Variants in PLCG2 observed in about 807,000 individuals in gnomAD.
The protein encoded by PLCG2 is 1-phosphatidylinositol 4,5-bisphosphate phosphodiesterase gamma-2.
Under a neutral mutation model 175.6 loss-of-function variants are expected in PLCG2, and 69 were observed. The ratio of observed to expected loss-of-function variants is 0.39; its 90% CI spans 0.32 to 0.48. The LOEUF is 0.48. Among genes scored for constraint, PLCG2 ranks in the 20% least tolerant of loss-of-function variants. PLCG2 has a pLI of 0.91. For missense variants in PLCG2, 1,798 were observed against 1,650.9 expected (o/e 1.09, Z -1.54); for synonymous variants, 827 against 624.0 (o/e 1.33, Z -4.85).
At position 81,907,812 on chromosome 16, in the gene PLCG2, C is replaced by G. The variant is rs367930737; in HGVS notation, c.1557+38C>G. ...CCTAGCCACATAGGGAGGAGGTCCC[C>G]AGGAACCCCGAGGACCAGCCAGTCC... On this transcript the variant is annotated intron_variant, in intron 16 of 32. Transcript: ENST00000564138. 5.2e-5 allele frequency: 78 copies of G among 1,511,404 alleles called. No homozygotes were observed. The East Asian group carries it at 1.4e-3, about 28-fold the overall frequency. 93.6% of individuals were successfully genotyped at this position (1,511,404 alleles called of 1,614,324 possible).
intron 13 of PLCG2, chr16:81,898,154 C>T (rs769048836): frequency 3.3e-5 from 7 of 212,100 alleles, no homozygotes; most frequent in South Asian, 1.2e-4. Context: ...AGTCATTCAT[C>T]GAACATTATC....
At chr16:81,932,836 G>A (rs1263578116) in intron 25 of PLCG2, among the ~76,000 whole-genome samples, 2 of 152,220 alleles carry the variant, frequency 1.3e-5, no homozygotes, top group Admixed American at 6.5e-5. Flanking sequence ...CACACCACCA[G>A]CCATGGGGGA....
intron 1 of PLCG2, among the ~76,000 whole-genome samples, chr16:81,743,639 T>G (rs929415442): frequency 6.6e-6 from 1 of 152,068 alleles, no homozygotes; most frequent in Non-Finnish European, 1.5e-5. Flanking sequence ...GGTTAGGAGA[T>G]CCTCTCTCTT....
chr16:81,825,095 T>C (rs1904989381), intron 2 of PLCG2, among the ~76,000 whole-genome samples: 1 of 152,180 alleles, frequency 6.6e-6, no homozygotes, highest in South Asian at 2.1e-4. Context: ...CCCTGCTGAC[T>C]CCTTGGTCTT....
rs978578078 is a variant in PLCG2 at position 81,962,185 on chromosome 16, T to G, written c.*4187T>G. 1.1e-5 allele frequency: 2 copies of G among 177,724 alleles called. No homozygotes were observed. Among genetic ancestry groups the G allele is most frequent in the African/African-American group, 4.8e-5 (2 of 41,326 alleles). 11.0% of individuals were successfully genotyped at this position (177,724 alleles called of 1,614,324 possible). The stretch of plus-strand genomic sequence containing the variant: ...CTCAAGATTGCTGATCTAGGGCCAC[T>G]AAGTGATGAATTGTATTTGGAAGCA... On this transcript the variant is annotated 3_prime_UTR_variant, in exon 33 of 33. Transcript: ENST00000564138.
At chr16:81,769,734 G>A (rs1597308418) in intron 2 of PLCG2, among the ~76,000 whole-genome samples, 1 of 146,804 alleles carries the variant, frequency 6.8e-6, no homozygotes. Context: ...GCAGGAGAAT[G>A]GCGTGAACCC....
chr16:81,773,925 G>A (rs772560501), intron 2 of PLCG2, among the ~76,000 whole-genome samples: 1 of 152,060 alleles, frequency 6.6e-6, no homozygotes, highest in African/African-American at 2.4e-5. Flanking sequence ...GACTTTGATG[G>A]TTGCTGCTAT....
At chr16:81,744,388 C>G (rs928597793) in intron 1 of PLCG2, among the ~76,000 whole-genome samples, 25 of 152,206 alleles carry the variant, frequency 1.6e-4, no homozygotes, top group African/African-American at 6.0e-4. Flanking sequence ...TGGTCTCAAT[C>G]TCCTGACCTC....
chr16:81,778,486 C>A (rs1407659524), upstream of PLCG2, among the ~76,000 whole-genome samples: 2 of 152,322 alleles, frequency 1.3e-5, no homozygotes, highest in Admixed American at 6.5e-5. Context: ...CATCAAAGAG[C>A]ATAGGAAGGG....
chr16:81,944,213 G>C (rs545596361), intron 30 of PLCG2, among the ~76,000 whole-genome samples: 19 of 152,148 alleles, frequency 1.2e-4, no homozygotes, highest in Non-Finnish European at 2.4e-4. Context: ...AAATAAGATG[G>C]ATTGATGGGT....
At chr16:81,822,486 G>T (rs1245814711) in intron 2 of PLCG2, among the ~76,000 whole-genome samples, 1 of 152,194 alleles carries the variant, frequency 6.6e-6, no homozygotes, top group African/African-American at 2.4e-5. Context: ...GCTGGGGGCA[G>T]TGGCTCATGC....
At chr16:81,913,565 G>A (rs1220541682) in intron 19 of PLCG2, among the ~76,000 whole-genome samples, 1 of 152,234 alleles carries the variant, frequency 6.6e-6, no homozygotes, top group African/African-American at 2.4e-5. Context: ...AGGCCTGGGG[G>A]CCAAATCTCC....
At chr16:81,952,827 G>T (rs1475784139) in intron 31 of PLCG2, among the ~76,000 whole-genome samples, 1 of 152,214 alleles carries the variant, frequency 6.6e-6, no homozygotes, top group Non-Finnish European at 1.5e-5. Flanking sequence ...CAAAATGAAA[G>T]TTGGAGGAGA....
At chr16:81,849,842 T>C (rs1283782843) in intron 2 of PLCG2, among the ~76,000 whole-genome samples, 1 of 150,808 alleles carries the variant, frequency 6.6e-6, no homozygotes, top group Admixed American at 6.6e-5. Context: ...GAAAGAGAAT[T>C]GTTAGACTAG....
intron 2 of PLCG2, among the ~76,000 whole-genome samples, chr16:81,815,558 G>A (rs1254485877): frequency 6.6e-6 from 1 of 152,152 alleles, no homozygotes; most frequent in Non-Finnish European, 1.5e-5. Context: ...TGACTACTCA[G>A]CCTGTTGTTC....
Position 81,907,714 on chromosome 16 carries a change from C to G in PLCG2, c.1497C>G (p.Ala499=), listed in dbSNP as rs1143689. ...GGACTCGGCACTACTGCGCCATTGC[C>G]GATGCCAAGCTGTCCTTCAGTGATG... ...QKWTRHYCAI[A]DAKLSFSDDI... Residue 499 remains alanine, a synonymous_variant, in exon 16 of 33, where the codon GCC becomes GCG. Coordinates refer to ENST00000564138, the MANE Select transcript of PLCG2 (RefSeq NM_002661.5). The G allele has an allele frequency of 5.0e-6, 8 of 1,613,686 alleles. No individual in the cohort carries two copies. The South Asian group carries it at 7.7e-5, about 16-fold the overall frequency.
chr16:81,946,964 G>T (rs1046631595), intron 31 of PLCG2, among the ~76,000 whole-genome samples: 1 of 152,260 alleles, frequency 6.6e-6, no homozygotes, highest in South Asian at 2.1e-4. Flanking sequence ...TGGGATTTGT[G>T]CATCTATTGC....
chr16:81,789,864 C>T (rs1428209200), intron 2 of PLCG2, among the ~76,000 whole-genome samples: 1 of 151,736 alleles, frequency 6.6e-6, no homozygotes, highest in Non-Finnish European at 1.5e-5. Context: ...CATTGCCTCC[C>T]CTCTGTCATT....
At chr16:81,756,095 C>G (rs1909921338) in intron 2 of PLCG2, 1 of 153,802 alleles carries the variant, frequency 6.5e-6, no homozygotes, top group Non-Finnish European at 1.5e-5. Flanking sequence ...AGACGGCTTC[C>G]TGTTCAAAGC....
Sources: gnomAD v4.1 joint callset for allele counts (sites outside exome capture counted in the v4.1 genomes callset) on GRCh38, gnomAD v4.1.1 for gene constraint, MANE v1.5 for transcripts, NCBI Gene and HGNC (gene_info 2026-07-23, HGNC 2026-07-21) for gene names.